Variants in CDK6 observed in about 807,000 individuals in gnomAD.
CDK6 encodes cyclin-dependent kinase 6.
In CDK6, 6 loss-of-function variants were observed where a neutral mutation model predicts 37.1. The observed-to-expected ratio is 0.16, with a 90% CI of 0.09 to 0.32. The LOEUF (loss-of-function observed/expected upper bound fraction) is 0.32. Ranked by LOEUF, CDK6 falls within the 10% of genes least tolerant of loss-of-function variation. The pLI, the probability that CDK6 is intolerant of heterozygous loss-of-function variation, is 1.00. For synonymous variants in CDK6, 160 were observed against 161.3 expected, an observed-to-expected ratio of 0.99 and a Z score of 0.06; for missense variants, 224 against 418.9, an observed-to-expected ratio of 0.53 and a Z score of 4.06.
intron 4 of CDK6, among the ~76,000 whole-genome samples, chr7:92,673,455 TAATAGA>T (rs1480195795): frequency 6.6e-6 from 1 of 152,194 alleles, no homozygotes; most frequent in African/African-American, 2.4e-5. Context: ...GGTTGTGATA[TAATAGA>T]AATAAAAAAC....
At chr7:92,621,623 T>A (rs545022163) in intron 6 of CDK6, among the ~76,000 whole-genome samples, 50 of 152,342 alleles carry the variant, frequency 3.3e-4, no homozygotes, top group African/African-American at 9.9e-4. Context: ...TTCCTCTTTA[T>A]GATCACATGC....
chr7:92,765,120 G>A (rs114273280), intron 3 of CDK6, among the ~76,000 whole-genome samples: 2,340 of 152,016 alleles, frequency 0.015, 57 homozygotes, highest in African/African-American at 0.051. Flanking sequence ...CATACAATTG[G>A]GATATAGGGA....
chr7:92,809,660 A>G (rs1294673323), intron 2 of CDK6, among the ~76,000 whole-genome samples: 4 of 152,218 alleles, frequency 2.6e-5, no homozygotes, highest in Non-Finnish European at 5.9e-5. Flanking sequence ...GGTCAAAGCT[A>G]CTTCCTTAGA....
At chr7:92,771,289 C>CA (rs199783615) in intron 3 of CDK6, among the ~76,000 whole-genome samples, 1,769 of 101,194 alleles carry the variant, frequency 0.017, 91 homozygotes, top group Admixed American at 0.13. Flanking sequence ...GACTCCGTCT[C>CA]AAAAAAAAAA....
rs528537028 is a variant in CDK6, at chr7:92,609,628, A to G, written c.*5512T>C. 2.2e-5 allele frequency: 5 copies of G among 231,222 alleles called. No homozygotes were observed. In the South Asian group the frequency reaches 9.1e-4, roughly 42 times the overall value. The allele number at this position is 231,222 out of a possible 1,614,324, so 14.3% of individuals were successfully genotyped here. ...AAATTAGGATTTTAAAATTTAATCA[A>G]TGTTGAAAGGCCACCATGCTAGGGA... On this transcript the variant is annotated 3_prime_UTR_variant, in exon 8 of 8. Coordinates refer to ENST00000424848, the MANE Select transcript of CDK6 (RefSeq NM_001145306.2).
At chr7:92,711,907 A>G (rs1234785066) in intron 4 of CDK6, among the ~76,000 whole-genome samples, 2 of 151,800 alleles carry the variant, frequency 1.3e-5, no homozygotes, top group African/African-American at 4.8e-5. Flanking sequence ...ATGAACAAAG[A>G]ATGCAGACAA....
intron 5 of CDK6, among the ~76,000 whole-genome samples, chr7:92,657,444 A>ATACAATT (rs1796722263): frequency 6.6e-6 from 1 of 152,212 alleles, no homozygotes; most frequent in African/African-American, 2.4e-5. Context: ...ATCATAACTC[A>ATACAATT]ATATACATTA....
At chr7:92,625,965 G>T (rs1268162902) in intron 5 of CDK6, among the ~76,000 whole-genome samples, 1 of 152,012 alleles carries the variant, frequency 6.6e-6, no homozygotes, top group Non-Finnish European at 1.5e-5. Flanking sequence ...AATTTTCCAT[G>T]TTCATAAAGT....
chr7:92,812,030 T>C (rs1362564607), intron 2 of CDK6, among the ~76,000 whole-genome samples: 2 of 152,136 alleles, frequency 1.3e-5, no homozygotes, highest in Admixed American at 6.5e-5. Flanking sequence ...TCCCAGCTAC[T>C]CAGGAGGCTG....
rs1238473830 is a variant in CDK6, at chr7:92,835,614, CTG to C, written c.-368+862_-368+863del. On this transcript the variant is annotated intron_variant, in intron 1 of 7. Coordinates refer to ENST00000424848, the MANE Select transcript of CDK6 (RefSeq NM_001145306.2). This position sits in a 1 kb window ranked among gnomAD's most constrained non-coding sequence, Gnocchi z 4.2. Reference sequence around the variant, plus strand: ...GGCTGCAGCCGCCTCCTTCTGCTTTCTGTCTCTGCTCTCTGTCTTCACACTCA... The same window carrying C: ...GGCTGCAGCCGCCTCCTTCTGCTTTCTCTCTGCTCTCTGTCTTCACACTCA... Among the ~76,000 whole-genome samples, 2 of 152,228 alleles carry C rather than the reference CTG, an allele frequency of 1.3e-5. No individual in the cohort carries two copies. Among genetic ancestry groups the C allele is most frequent in the Non-Finnish European group, 2.9e-5 (2 of 68,044 alleles).
At position 92,835,580 on chromosome 7, in the gene CDK6, G is replaced by A. The variant is rs575803529; in HGVS notation, c.-368+898C>T. Among the ~76,000 whole-genome samples the A allele has an allele frequency of 2.0e-5, 3 of 152,136 alleles. No individual in the cohort carries two copies. The highest frequency in any genetic ancestry group is 4.4e-5 in the Non-Finnish European group (3 of 68,024). ...CTTCAACATTTCCGCATTCCTCCGC[G>A]ACTACAAAGGCTGCAGCCGCCTCCT... On this transcript the variant is annotated intron_variant, in intron 1 of 7. Transcript: ENST00000424848. The surrounding 1 kb of genome is among the most constrained non-coding windows in gnomAD (Gnocchi z 4.2).
chr7:92,723,792 C>T (rs563204497), intron 4 of CDK6, among the ~76,000 whole-genome samples: 2 of 151,852 alleles, frequency 1.3e-5, no homozygotes, highest in Admixed American at 1.3e-4. Flanking sequence ...GTATTTATGA[C>T]TGCCTTTCTC....
chr7:92,792,478 G>A (rs1307761989), intron 2 of CDK6, among the ~76,000 whole-genome samples: 2 of 151,980 alleles, frequency 1.3e-5, no homozygotes, highest in Non-Finnish European at 2.9e-5. Context: ...AAAATAAAAT[G>A]ATATACACTT....
chr7:92,696,150 G>C (rs1018615209), intron 4 of CDK6, among the ~76,000 whole-genome samples: 11 of 152,198 alleles, frequency 7.2e-5, no homozygotes, highest in Non-Finnish European at 1.5e-4. Context: ...GTCTCCAGGG[G>C]AGAAGGAAGC....
chr7:92,672,966 C>T (rs1797124718), intron 4 of CDK6, among the ~76,000 whole-genome samples: 1 of 152,134 alleles, frequency 6.6e-6, no homozygotes. Flanking sequence ...CTGAGTTGGC[C>T]TTAGTGACTT....
intron 2 of CDK6, among the ~76,000 whole-genome samples, chr7:92,777,352 C>A (rs977353401): frequency 1.3e-5 from 2 of 152,180 alleles, no homozygotes; most frequent in African/African-American, 4.8e-5. Context: ...CCTGCCTCAG[C>A]CAAGTACTAC....
At chr7:92,804,816 G>A (rs1203696255) in intron 2 of CDK6, among the ~76,000 whole-genome samples, 6 of 152,068 alleles carry the variant, frequency 3.9e-5, no homozygotes, top group South Asian at 2.1e-4. Flanking sequence ...GGCAGTAGTC[G>A]CAGCACTAGT....
chr7:92,616,218 T>A (rs1052265062), intron 7 of CDK6, among the ~76,000 whole-genome samples: 2 of 152,170 alleles, frequency 1.3e-5, no homozygotes, highest in African/African-American at 4.8e-5. Context: ...ATTATCATGG[T>A]TAATGGAAGA....
rs115723438 is a variant in CDK6, at chr7:92,628,155, T to C, written c.648-5069A>G. ...ATAATAAACCAAAAATGTCTATGCA[T>C]GCAAAAAAAGGCACTGGTATGAAAC... On this transcript the variant is annotated intron_variant, in intron 5 of 7. Transcript: ENST00000424848. 3.5e-3 allele frequency among the ~76,000 whole-genome samples: 526 copies of C among 152,160 alleles called. 2 individuals carry two copies. The highest frequency in any genetic ancestry group is 0.012 in the African/African-American group (507 of 41,556).
Sources: allele counts gnomAD v4.1 joint callset (sites outside exome capture counted in the v4.1 genomes callset), GRCh38; gene constraint gnomAD v4.1.1; non-coding constraint Gnocchi (gnomAD v3.1); transcripts MANE v1.5; gene names NCBI Gene and HGNC (gene_info 2026-07-23, HGNC 2026-07-21).